PCDHA1: variants seen among roughly 807,000 people sequenced by gnomAD.
PCDHA1 encodes the protein protocadherin alpha 1.
In PCDHA1, 42 loss-of-function variants were observed where a neutral mutation model predicts 61.3. That is an observed-to-expected ratio of 0.69 (90% CI 0.54 to 0.89). The LOEUF (loss-of-function observed/expected upper bound fraction) is 0.89. Among genes scored for constraint, PCDHA1 ranks in the 40% least tolerant of loss-of-function variants. The pLI, the probability that PCDHA1 is intolerant of heterozygous loss-of-function variation, is 0.00. For missense variants in PCDHA1, 1,256 were observed against 1,235.3 expected (o/e 1.02, Z -0.25); for synonymous variants, 610 against 553.8 (o/e 1.10, Z -1.43).
intron 1 of PCDHA1, chr5:140,804,356 T>A (rs1763382158): frequency 6.6e-6 from 1 of 152,066 alleles, no homozygotes; most frequent in Non-Finnish European, 1.5e-5. Context: ...TTAAAATTTA[T>A]TACTAATAAC....
At chr5:140,926,961 G>A in intron 1 of PCDHA1, 1 of 1,604,688 alleles carries the variant, frequency 6.2e-7, no homozygotes, top group Non-Finnish European at 8.5e-7. Context: ...GACAGCTCGA[G>A]TACTCAGTGC....
At chr5:140,899,980 T>TG (rs1202261789) in intron 1 of PCDHA1, among the ~76,000 whole-genome samples, 49 of 152,074 alleles carry the variant, frequency 3.2e-4, no homozygotes, top group African/African-American at 1.1e-3. Flanking sequence ...GCTACTTTTT[T>TG]GATTTTTTTT....
intron 1 of PCDHA1, chr5:140,805,244 A>C: frequency 7.6e-7 from 1 of 1,320,150 alleles, no homozygotes; most frequent in Non-Finnish European, 9.6e-7. Flanking sequence ...CCCCATCTGT[A>C]CATTAAAATA....
At chr5:140,950,549 G>A (rs1023288540) in intron 1 of PCDHA1, among the ~76,000 whole-genome samples, 1 of 151,948 alleles carries the variant, frequency 6.6e-6, no homozygotes, top group African/African-American at 2.4e-5. Context: ...TGCATGGCTG[G>A]GGGGACACTT....
In PCDHA1 at chr5:140,796,802, T is replaced by G. The variant is rs145760272; in HGVS notation, c.2394+8118T>G. 2.0e-5 allele frequency: 32 copies of G among 1,613,992 alleles called. No individual in the cohort carries two copies. In the African/African-American group the frequency reaches 4.1e-4, roughly 21 times the overall value. ...GCGTGGCTTTCGTACGAGCTTCAGCTGGGTACTGGCAGCGCTCGCATCCCG... is the reference window on the plus strand; with the variant it reads ...GCGTGGCTTTCGTACGAGCTTCAGCGGGGTACTGGCAGCGCTCGCATCCCG... On this transcript the variant is annotated intron_variant, in intron 1 of 3. Transcript: ENST00000504120.
At chr5:140,825,330 A>G (rs1431095392) in intron 1 of PCDHA1, 1 of 146,462 alleles carries the variant, frequency 6.8e-6, no homozygotes. Context: ...GGAAATTTGC[A>G]TATTTTTCAA....
chr5:140,946,631 T>TATATATATATATATATATATACAC lies in PCDHA1; in HGVS notation c.2395-32317_2395-32316insTATATATATATATATATATACACA, dbSNP rs57893927. Among the ~76,000 whole-genome samples, 100 of 131,838 alleles carry TATATATATATATATATATATACAC rather than the reference T, an allele frequency of 7.6e-4. 3 individuals carry two copies. Among genetic ancestry groups the TATATATATATATATATATATACAC allele is most frequent in the African/African-American group, 2.6e-3 (76 of 28,714 alleles). The allele number at this position is 131,838 out of a possible 152,430, so 86.5% of individuals were successfully genotyped here. A position where few individuals can be genotyped will look rare whatever the true frequency, so the allele number is the denominator to read the frequency against. On this transcript the variant is annotated intron_variant, in intron 1 of 3. Transcript: ENST00000504120. ...TGTGAAATATATATATATATATATA[T>TATATATATATATATATATATACAC]ACAATGGAATACTCATCAGCCATTA...
At chr5:140,857,302 G>A in intron 1 of PCDHA1, 1 of 1,598,652 alleles carries the variant, frequency 6.3e-7, no homozygotes, top group South Asian at 1.1e-5. Flanking sequence ...AGAGGGTGTC[G>A]GCCTATGAGC....
At chr5:140,796,792 G>A (rs782759874) in intron 1 of PCDHA1, 3 of 1,614,160 alleles carry the variant, frequency 1.9e-6, no homozygotes, top group Non-Finnish European at 2.5e-6. Flanking sequence ...GCTTTCGTAC[G>A]AGCTTCAGCT....
intron 1 of PCDHA1, chr5:140,926,928 G>GT: frequency 1.3e-6 from 2 of 1,574,878 alleles, no homozygotes; most frequent in South Asian, 2.4e-5. Context: ...TATGTTTGTG[G>GT]GTTTCCTGCG....
At chr5:140,904,754 C>G (rs2071365435) in intron 1 of PCDHA1, among the ~76,000 whole-genome samples, 1 of 152,068 alleles carries the variant, frequency 6.6e-6, no homozygotes, top group South Asian at 2.1e-4. Context: ...ACCATTTTTG[C>G]AAGAATAAGA....
intron 1 of PCDHA1, chr5:140,802,868 C>G (rs199682432): frequency 6.2e-7 from 1 of 1,613,720 alleles, no homozygotes; most frequent in East Asian, 2.2e-5. Context: ...TCGTGCTGGA[C>G]GAGAACGACA....
intron 1 of PCDHA1, chr5:140,863,731 A>G (rs1249998987): frequency 1.2e-5 from 3 of 259,294 alleles, no homozygotes; most frequent in Non-Finnish European, 2.3e-5. Context: ...GCGGTAGCTC[A>G]TGCCTATTTG....
chr5:140,954,782 C>T (rs894049284), intron 1 of PCDHA1, among the ~76,000 whole-genome samples: 3 of 152,128 alleles, frequency 2.0e-5, no homozygotes, highest in Non-Finnish European at 4.4e-5. Context: ...TTAATTAGAT[C>T]TCATTTGTCA....
At chr5:140,876,775 C>A (rs373638459) in intron 1 of PCDHA1, 3 of 1,614,130 alleles carry the variant, frequency 1.9e-6, no homozygotes, top group Non-Finnish European at 1.7e-6. Flanking sequence ...CTCGCCTTCG[C>A]TGTGGGCCAC....
rs151115812 is a variant in PCDHA1, at chr5:140,834,685, A to G, written c.2394+46001A>G. 2.2e-3 allele frequency: 3,569 copies of G among 1,614,218 alleles called. 59 individuals carry two copies. The African/African-American group carries it at 0.04, about 18-fold the overall frequency. The stretch of plus-strand genomic sequence containing the variant: ...GAGGAGCTGTGCGGGCGGAGCGCGG[A>G]GTGCAGCATCCACCTGGAGGTGATC... On this transcript the variant is annotated intron_variant, in intron 1 of 3. Coordinates refer to ENST00000504120, the MANE Select transcript of PCDHA1 (RefSeq NM_018900.4).
intron 1 of PCDHA1, among the ~76,000 whole-genome samples, chr5:140,901,437 C>G (rs1554189835): frequency 1.3e-5 from 2 of 152,132 alleles, no homozygotes; most frequent in Non-Finnish European, 2.9e-5. Flanking sequence ...ATATGGATAT[C>G]TAGTTTCCCA....
At chr5:140,809,110 C>G (rs1764367265) in intron 1 of PCDHA1, 2 of 1,613,872 alleles carry the variant, frequency 1.2e-6, no homozygotes, top group Admixed American at 1.7e-5. Context: ...ACGAAACGGA[C>G]GCTCCGCGCC....
intron 1 of PCDHA1, among the ~76,000 whole-genome samples, chr5:140,902,720 C>A (rs371638113): frequency 6.6e-6 from 1 of 152,050 alleles, no homozygotes; most frequent in African/African-American, 2.4e-5. Flanking sequence ...CCCCTCCCAC[C>A]CTTCCCTCCA....
Sources: gnomAD v4.1 joint callset for allele counts (sites outside exome capture counted in the v4.1 genomes callset) on GRCh38, gnomAD v4.1.1 for gene constraint, MANE v1.5 for transcripts, NCBI Gene and HGNC (gene_info 2026-07-23, HGNC 2026-07-21) for gene names.